The following SEC24D variants were observed in gnomAD, a reference collection of about 807,000 sequenced individuals.
SEC24D encodes the protein SEC24 homolog D, COPII component.
Under a neutral mutation model 116.9 loss-of-function variants are expected in SEC24D, and 69 were observed. That is an observed-to-expected ratio of 0.59 (90% CI 0.49 to 0.72). SEC24D has a LOEUF of 0.72. Ranked by LOEUF, SEC24D falls within the 30% of genes least tolerant of loss-of-function variation. SEC24D has a pLI of 0.00. For synonymous variants in SEC24D, 405 were observed against 442.8 expected (o/e 0.91, Z 1.07); for missense variants, 1,131 against 1,264.1 (o/e 0.89, Z 1.60).
At position 118,824,706 on chromosome 4, in the gene SEC24D, C is replaced by T. The variant is rs774108150; in HGVS notation, c.162G>A (p.Arg54=). The change falls in exon 3 of 23, where the codon AGG becomes AGA. Residue 54 remains arginine (R), a synonymous_variant. Transcript: ENST00000280551. ...GTGGGGGACCCGGAGGCAACATTCC[C>T]CTAGTGGCGGTGGCCCCCAAAGGCC... ...PAGPLGATAT[R]GMLPPGPPPP... 2.5e-5 allele frequency: 40 copies of T among 1,607,312 alleles called. No homozygotes were observed. The highest frequency in any genetic ancestry group is 3.4e-5 in the Admixed American group (2 of 58,620).
chr4:118,784,970 T>A (rs1275445364), intron 8 of SEC24D, among the ~76,000 whole-genome samples: 1 of 152,138 alleles, frequency 6.6e-6, no homozygotes, highest in South Asian at 2.1e-4. Flanking sequence ...TAATTTGTAG[T>A]GCATCCCCAA....
rs114506736 is a variant in SEC24D, at chr4:118,754,425, C to T, written c.1422-1537G>A. On this transcript the variant is annotated intron_variant, in intron 11 of 22. Transcript: ENST00000280551. The stretch of plus-strand genomic sequence containing the variant: ...CCTCTGTGAAATCTCCCCGATGCTA[C>T]CAATTAGAAGTCATTTCCTCTTCTA... Among the ~76,000 whole-genome samples, 450 of 152,216 alleles carry T rather than the reference C, an allele frequency of 3.0e-3. 1 individual carries two copies. The highest frequency in any genetic ancestry group is 4.8e-3 in the Non-Finnish European group (327 of 68,002).
chr4:118,731,419 G>T lies in SEC24D; in HGVS notation c.2765C>A (p.Ala922Asp). The T allele has an allele frequency of 6.2e-7, 1 of 1,614,004 alleles. No individual in the cohort carries two copies. Among genetic ancestry groups the T allele is most frequent in the Non-Finnish European group, 8.5e-7 (1 of 1,179,866 alleles). Residue 922 changes from alanine to aspartate, a missense_variant, in exon 21 of 23, where the codon GCT (alanine) becomes GAT (aspartate). Transcript: ENST00000280551. The stretch of plus-strand genomic sequence containing the variant: ...CCACAGGAACATGTGTAGACCATTA[G>T]CCAGTAAGAATATTCCTTCTTCTGA... ...RLSEEGIFLL[A>D]NGLHMFLWLG...
chr4:118,738,574 G>A (rs1726082499), intron 18 of SEC24D, among the ~76,000 whole-genome samples, 195 bp from the exon 19 acceptor site: 1 of 152,072 alleles, frequency 6.6e-6, no homozygotes. Flanking sequence ...GGAGAACATT[G>A]GCCTACCTAC....
chr4:118,761,746 C>T (rs1322484888), intron 10 of SEC24D, among the ~76,000 whole-genome samples: 1 of 152,216 alleles, frequency 6.6e-6, no homozygotes, highest in African/African-American at 2.4e-5. Context: ...CTAAAGAAAT[C>T]TGAGTAAATT....
At chr4:118,742,216 C>A (rs955588004) in intron 15 of SEC24D, among the ~76,000 whole-genome samples, 1 of 151,992 alleles carries the variant, frequency 6.6e-6, no homozygotes, top group Non-Finnish European at 1.5e-5. Flanking sequence ...CACCACAGAG[C>A]ACCCCCTGCC....
At chr4:118,786,763 A>G (rs183659120) in intron 8 of SEC24D, among the ~76,000 whole-genome samples, 46 of 152,332 alleles carry the variant, frequency 3.0e-4, no homozygotes, top group African/African-American at 9.1e-4. Context: ...ACTGTTCGAC[A>G]TCAAGAAAGG....
chr4:118,761,006 C>T (rs1346109653), intron 10 of SEC24D, among the ~76,000 whole-genome samples: 2 of 151,996 alleles, frequency 1.3e-5, no homozygotes, highest in East Asian at 1.9e-4. Context: ...CATGAGCCAC[C>T]GCACCTGGCC....
At chr4:118,815,851 T>G (rs1016531123) in intron 4 of SEC24D, 125 bp from the exon 5 acceptor site, 3 of 1,045,136 alleles carry the variant, frequency 2.9e-6, no homozygotes, top group Non-Finnish European at 4.1e-6. Flanking sequence ...TAGAAACACA[T>G]GTTTGGGTTT....
chr4:118,770,976 A>G (rs1202760580), intron 8 of SEC24D, among the ~76,000 whole-genome samples: 1 of 152,182 alleles, frequency 6.6e-6, no homozygotes, highest in African/African-American at 2.4e-5. Flanking sequence ...TTAACTGTTT[A>G]CATTTTATTT....
intron 15 of SEC24D, among the ~76,000 whole-genome samples, chr4:118,741,536 A>G (rs1484914074): frequency 6.6e-6 from 1 of 152,198 alleles, no homozygotes; most frequent in Non-Finnish European, 1.5e-5. Flanking sequence ...ACATTCCACA[A>G]CTAAGCAACA....
Position 118,815,853 on chromosome 4 carries a change from T to C in SEC24D, c.398-127A>G, listed in dbSNP as rs1730125723. 5.2e-6 allele frequency: 5 copies of C among 964,404 alleles called. No homozygotes were observed. The East Asian group carries it at 1.2e-4, about 24-fold the overall frequency. The allele number at this position is 964,404 out of a possible 1,614,324, so 59.7% of individuals were successfully genotyped here. On this transcript the variant is annotated intron_variant, in intron 4 of 22. Transcript: ENST00000280551. ...AAGAGGACACCCTTAGAAACACATG[T>C]TTGGGTTTTTTGCCACAAATTGAAA...
At chr4:118,773,061 T>C (rs1560672803) in intron 8 of SEC24D, among the ~76,000 whole-genome samples, 1 of 151,946 alleles carries the variant, frequency 6.6e-6, no homozygotes, top group Non-Finnish European at 1.5e-5. Context: ...CCACCTACTT[T>C]CCCCTCTCTT....
intron 8 of SEC24D, among the ~76,000 whole-genome samples, chr4:118,791,166 TG>T (rs1728877374): frequency 6.6e-6 from 1 of 152,122 alleles, no homozygotes; most frequent in African/African-American, 2.4e-5. Context: ...TATTGATATG[TG>T]GAAAAATAAA....
intron 3 of SEC24D, among the ~76,000 whole-genome samples, chr4:118,822,222 C>T (rs1207555934): frequency 2.6e-5 from 4 of 152,150 alleles, no homozygotes; most frequent in Admixed American, 6.5e-5. Context: ...TTGTTAAAAT[C>T]GTCATGAGGA....
rs367877257 is a variant in SEC24D, at chr4:118,739,173, G to A, written c.2353C>T (p.Leu785Phe). 1.9e-6 allele frequency: 3 copies of A among 1,613,566 alleles called. No homozygotes were observed. The highest frequency in any genetic ancestry group is 1.7e-6 in the Non-Finnish European group (2 of 1,179,620). ...CCTGACTTGGCAAAGAAGTTGATAA[G>A]AGCATCTGTCTCACAGCTCTTATAA... is the stretch of plus-strand genomic sequence containing the variant. ...DLYKSCETDA[L>F]INFFAKSAFK... Residue 785 changes from leucine (L) to phenylalanine (F), a missense_variant, in exon 18 of 23, where the codon CTT (leucine) becomes TTT (phenylalanine). Leu to Phe is a conservative substitution (Grantham distance 22). Coordinates refer to ENST00000280551, the MANE Select transcript of SEC24D (RefSeq NM_014822.4).
At chr4:118,793,143 G>A (rs1046600771) in intron 8 of SEC24D, among the ~76,000 whole-genome samples, 1 of 152,092 alleles carries the variant, frequency 6.6e-6, no homozygotes, top group African/African-American at 2.4e-5. Context: ...AGACCAGGAC[G>A]GTGTCATGGA....
Position 118,797,843 on chromosome 4 carries a change from G to C in SEC24D, c.914-33C>G, listed in dbSNP as rs114662287. 826 of 1,521,540 alleles carry C rather than the reference G, an allele frequency of 5.4e-4. 6 individuals carry two copies. The African/African-American group carries it at 9.9e-3, about 18-fold the overall frequency. 94.3% of individuals were successfully genotyped at this position (1,521,540 alleles called of 1,614,324 possible). ...ATTCAAAAGGATACACTTAAAACTTGTTTAGAAAAAAACCTTCCCTAAGAT... is the reference window on the plus strand; with the variant it reads ...ATTCAAAAGGATACACTTAAAACTTCTTTAGAAAAAAACCTTCCCTAAGAT... On this transcript the variant is annotated intron_variant, in intron 7 of 22. Transcript: ENST00000280551.
intron 8 of SEC24D, among the ~76,000 whole-genome samples, chr4:118,780,409 T>G (rs989414770): frequency 3.3e-5 from 5 of 152,184 alleles, no homozygotes; most frequent in African/African-American, 1.2e-4. Flanking sequence ...AGTTGTGCGG[T>G]TTTTAGTGAG....
Sources: gnomAD v4.1 joint callset for allele counts (sites outside exome capture counted in the v4.1 genomes callset) on GRCh38, gnomAD v4.1.1 for gene constraint, MANE v1.5 for transcripts, NCBI Gene and HGNC (gene_info 2026-07-23, HGNC 2026-07-21) for gene names.